The following CFAP70 variants were observed in gnomAD, a reference collection of about 807,000 sequenced individuals.
The protein encoded by CFAP70 is cilia- and flagella-associated protein 70.
In CFAP70, 81 loss-of-function variants were observed where a neutral mutation model predicts 137.6. The observed-to-expected ratio is 0.59, with a 90% CI of 0.49 to 0.71. The LOEUF is 0.71. CFAP70 is among the 30% of genes least tolerant of loss of function. CFAP70 has a pLI of 0.00. For missense variants in CFAP70, 976 were observed against 1,226.7 expected (o/e 0.80, Z 3.05); for synonymous variants, 382 against 423.6 (o/e 0.90, Z 1.20).
intron 1 of CFAP70, among the ~76,000 whole-genome samples, chr10:73,356,779 T>G (rs1003182381): frequency 1.3e-5 from 2 of 152,236 alleles, no homozygotes; most frequent in Admixed American, 6.5e-5. Context: ...TCTTTCCTTT[T>G]CAATAATATG....
exon 12 of CFAP70, chr10:73,310,242 A>C (rs760758656): frequency 8.7e-6 from 14 of 1,607,258 alleles, no homozygotes; most frequent in Non-Finnish European, 1.2e-5. Context: ...CCCTGCTTCT[A>C]CATATTGCTG....
chr10:73,342,920 C>G (rs1338915458), intron 5 of CFAP70, among the ~76,000 whole-genome samples: 1 of 150,504 alleles, frequency 6.6e-6, no homozygotes, highest in East Asian at 2.0e-4. Context: ...ACTAAAAATA[C>G]AAAAATTAAG....
chr10:73,254,075 A>C lies in CFAP70; in HGVS notation c.3076-20T>G, dbSNP rs2044219388. 6.3e-7 allele frequency: 1 copy of C among 1,583,934 alleles called. No individual in the cohort carries two copies. The highest frequency in any genetic ancestry group is 8.6e-7 in the Non-Finnish European group (1 of 1,156,718). On this transcript the variant is annotated intron_variant, in intron 26 of 26. Transcript: ENST00000310715. ...TTTCAGCTACATGAAAGAGGAAGAA[A>C]GGGAAAGATATATGTCATACGTGAT...
intron 4 of CFAP70, 79 bp downstream of exon 5, chr10:73,348,077 C>A: frequency 7.6e-7 from 1 of 1,313,920 alleles, no homozygotes; most frequent in Non-Finnish European, 1.1e-6. Context: ...TTACACTCAA[C>A]TGAATTGAAC....
intron 19 of CFAP70, among the ~76,000 whole-genome samples, chr10:73,286,136 G>T (rs771877215): frequency 4.6e-5 from 7 of 152,080 alleles, no homozygotes; most frequent in Non-Finnish European, 1.0e-4. Flanking sequence ...GGCCTTCACA[G>T]GAATTATAAG....
At chr10:73,253,771 T>C, downstream of CFAP70, 1 of 470,052 alleles carries the variant, frequency 2.1e-6, no homozygotes, top group South Asian at 4.8e-5. Context: ...ATTTTGAGTT[T>C]CATATCTCCA....
chr10:73,324,917 A>G (rs1274217155), intron 8 of CFAP70, among the ~76,000 whole-genome samples: 1 of 152,260 alleles, frequency 6.6e-6, no homozygotes, highest in East Asian at 1.9e-4. Context: ...ACTCTGCAGG[A>G]TATCATCCAG....
At chr10:73,281,986 TG>T (rs2047290596) in intron 19 of CFAP70, among the ~76,000 whole-genome samples, 1 of 151,786 alleles carries the variant, frequency 6.6e-6, no homozygotes, top group Non-Finnish European at 1.5e-5. Flanking sequence ...AAAGAGAAGG[TG>T]GGGAAAAGGG....
Position 73,291,262 on chromosome 10 carries a change from C to G in CFAP70, c.2203G>C (p.Gly735Arg), listed in dbSNP as rs1266122956. 1.2e-6 allele frequency: 2 copies of G among 1,614,086 alleles called. No homozygotes were observed. Among genetic ancestry groups the G allele is most frequent in the Admixed American group, 1.7e-5 (1 of 60,010 alleles). The change falls in exon 19 of 27, where the codon GGT becomes CGT. Residue 735 changes from glycine to arginine, a missense_variant. Gly to Arg is a moderately radical substitution (Grantham distance 125). Coordinates refer to ENST00000310715, the Ensembl canonical transcript of CFAP70. ...TCCACCTTGATTGCTGTTGCAGAACCATTTGTGATTCCCCAAGGGCCTAAA... is the reference window on the plus strand; with the variant it reads ...TCCACCTTGATTGCTGTTGCAGAACGATTTGTGATTCCCCAAGGGCCTAAA...
chr10:73,300,092 C>G (rs754097298), intron 12 of CFAP70, among the ~76,000 whole-genome samples: 3 of 152,168 alleles, frequency 2.0e-5, no homozygotes, highest in Non-Finnish European at 4.4e-5. Flanking sequence ...AAAACCTCTT[C>G]TTTCCTCCCC....
chr10:73,283,352 T>C (rs2047405177), intron 19 of CFAP70, among the ~76,000 whole-genome samples: 1 of 152,206 alleles, frequency 6.6e-6, no homozygotes, highest in Non-Finnish European at 1.5e-5. Flanking sequence ...ATCCCACTGG[T>C]TAATGGTGCT....
At chr10:73,348,198 A>G in intron 4 of CFAP70, 1 of 1,614,246 alleles carries the variant, frequency 6.2e-7, no homozygotes. Context: ...AGCCTTGCAC[A>G]GGGTGCAATG....
At chr10:73,281,452 A>G (rs78655637) in intron 19 of CFAP70, among the ~76,000 whole-genome samples, 16,005 of 151,656 alleles carry the variant, frequency 0.11, 1,217 homozygotes, top group East Asian at 0.3. Context: ...GAGACCTGTG[A>G]GTTATTTAGA....
intron 9 of CFAP70, among the ~76,000 whole-genome samples, chr10:73,313,848 G>A (rs10159616): frequency 0.11 from 16,085 of 151,550 alleles, 1,233 homozygotes; most frequent in East Asian, 0.3. Context: ...TCTCAAAAAA[G>A]GAAAAAAAAT....
chr10:73,323,334 G>GT (rs113479340), intron 8 of CFAP70, among the ~76,000 whole-genome samples: 13,509 of 132,046 alleles, frequency 0.1, 779 homozygotes, highest in East Asian at 0.3. Flanking sequence ...GCGGGGGCGG[G>GT]GGGGGGGCAG....
chr10:73,278,448 C>A, intron 19 of CFAP70, 111 bp from the exon 21 acceptor site: 1 of 813,768 alleles, frequency 1.2e-6, no homozygotes, highest in Non-Finnish European at 1.9e-6. Flanking sequence ...CTAAATATTT[C>A]ATGAAGGACA....
intron 7 of CFAP70, among the ~76,000 whole-genome samples, chr10:73,332,626 A>G (rs1349648936): frequency 6.6e-6 from 1 of 152,246 alleles, no homozygotes; most frequent in Non-Finnish European, 1.5e-5. Flanking sequence ...CAGAGTTTCA[A>G]TATAATAACA....
intron 25 of CFAP70, among the ~76,000 whole-genome samples, chr10:73,264,082 G>T (rs910693831): frequency 1.3e-5 from 2 of 152,088 alleles, no homozygotes; most frequent in Non-Finnish European, 2.9e-5. Flanking sequence ...GTTTCTGTTT[G>T]TTTTATTTTT....
intron 19 of CFAP70, among the ~76,000 whole-genome samples, chr10:73,286,445 AAAACAAAC>A (rs556349043): frequency 1.3e-5 from 2 of 152,268 alleles, no homozygotes; most frequent in African/African-American, 2.4e-5. Context: ...CACCGTCTCA[AAAACAAAC>A]AAACAAACAA....
Sources: gnomAD v4.1 joint callset for allele counts (sites outside exome capture counted in the v4.1 genomes callset) on GRCh38, gnomAD v4.1.1 for gene constraint, MANE v1.5 for transcripts, NCBI Gene and HGNC (gene_info 2026-07-23, HGNC 2026-07-21) for gene names.